Variants in ADGRL2 observed in about 807,000 individuals in gnomAD.
The protein encoded by ADGRL2 is adhesion G protein-coupled receptor L2, also known as calcium-independent alpha-latrotoxin receptor 2.
In ADGRL2, 44 loss-of-function variants were observed where a neutral mutation model predicts 157.4. The ratio of observed to expected loss-of-function variants is 0.28; its 90% confidence interval spans 0.22 to 0.36. The LOEUF is 0.36. Ranked by LOEUF, ADGRL2 falls within the 10% of genes least tolerant of loss-of-function variation. The probability of loss-of-function intolerance (pLI) is 1.00; values close to 1 mark genes in which losing one functional copy is unlikely to be tolerated. For synonymous variants in ADGRL2, 585 were observed against 624.7 expected, an observed-to-expected ratio of 0.94 and a Z score of 0.95; for missense variants, 1,510 against 1,768.9, an observed-to-expected ratio of 0.85 and a Z score of 2.63.
chr1:81,540,587 G>T (rs776225202), intron 2 of ADGRL2, among the ~76,000 whole-genome samples: 4 of 152,336 alleles, frequency 2.6e-5, no homozygotes, highest in Non-Finnish European at 5.9e-5. Context: ...GGAGCTGCTT[G>T]TGCACATTGT....
chr1:81,484,492 G>C (rs973617918), intron 2 of ADGRL2, among the ~76,000 whole-genome samples: 1 of 152,148 alleles, frequency 6.6e-6, no homozygotes, highest in Non-Finnish European at 1.5e-5. Context: ...TTCGTACTGT[G>C]TAAACAACAC....
At chr1:81,365,318 G>A (rs148229474) in intron 1 of ADGRL2, among the ~76,000 whole-genome samples, 1 of 152,282 alleles carries the variant, frequency 6.6e-6, no homozygotes, top group African/African-American at 2.4e-5. Flanking sequence ...GAATAGAAAG[G>A]AGACATAAGG....
chr1:81,925,591 A>G (rs1454460488), intron 3 of ADGRL2, among the ~76,000 whole-genome samples: 2 of 151,484 alleles, frequency 1.3e-5, no homozygotes, highest in Non-Finnish European at 2.9e-5. Context: ...CTTACAGAAC[A>G]TAGAGTCATT....
chr1:81,993,077 ATATATATATAT>A lies in ADGRL2; in HGVS notation c.*1934_*1944del, dbSNP rs1266379544. Reference sequence around the variant, plus strand: ...AATATACATATATATATATATATATATATATATATATTTTTTTTTTTTTTTTTTTTTTTTTT... The same window carrying A: ...AATATACATATATATATATATATATATTTTTTTTTTTTTTTTTTTTTTTTT... On this transcript the variant is annotated 3_prime_UTR_variant, in exon 24 of 24. Transcript: ENST00000686636. 1.1e-4 allele frequency among the ~76,000 whole-genome samples: 3 copies of A among 26,248 alleles called. No homozygotes were observed. Among genetic ancestry groups the A allele is most frequent in the East Asian group, 1.4e-3 (1 of 708 alleles). 17.2% of individuals were successfully genotyped at this position (26,248 alleles called of 152,430 possible). A position where few individuals can be genotyped will look rare whatever the true frequency, so the allele number is the denominator to read the frequency against.
chr1:81,351,895 A>G lies in ADGRL2; in HGVS notation c.-302+45386A>G, dbSNP rs772785201. 9.2e-5 allele frequency among the ~76,000 whole-genome samples: 14 copies of G among 152,248 alleles called. 1 individual carries two copies. Among genetic ancestry groups the G allele is most frequent in the Non-Finnish European group, 1.3e-4 (9 of 68,040 alleles). ...AGAGCGGCTCCCTTGTTCTAAAATTATACAAAAGTGCCATTTCACTTTTCA... is the reference window on the plus strand; with the variant it reads ...AGAGCGGCTCCCTTGTTCTAAAATTGTACAAAAGTGCCATTTCACTTTTCA... On this transcript the variant is annotated intron_variant, in intron 1 of 24. Transcript: ENST00000370721.
chr1:81,634,295 T>C (rs925196995), intron 3 of ADGRL2, among the ~76,000 whole-genome samples: 1 of 152,208 alleles, frequency 6.6e-6, no homozygotes, highest in Non-Finnish European at 1.5e-5. Flanking sequence ...GGCCTCTTTA[T>C]GGACTGTGTT....
intron 2 of ADGRL2, among the ~76,000 whole-genome samples, chr1:81,555,972 G>A (rs549513617): frequency 2.3e-4 from 35 of 151,312 alleles, no homozygotes; most frequent in African/African-American, 7.0e-4. Context: ...AAAATTTAGC[G>A]TATCACTGCT....
rs17106982 is a variant in ADGRL2, at chr1:81,708,487, A to G, written c.-143+8679A>G. Among the ~76,000 whole-genome samples, 1,118 of 152,234 alleles carry G rather than the reference A, an allele frequency of 7.3e-3. 21 individuals are homozygous for G. The highest frequency in any genetic ancestry group is 0.026 in the African/African-American group (1,075 of 41,552). On this transcript the variant is annotated intron_variant, in intron 1 of 20. Coordinates refer to the ADGRL2 transcript ENST00000359929. Reference sequence around the variant, plus strand: ...AAGTGGGAATGCTCTTAATTTTCCTACACGCATCTGCAGAAGTACTTTTGA... The same window carrying G: ...AAGTGGGAATGCTCTTAATTTTCCTGCACGCATCTGCAGAAGTACTTTTGA...
intron 2 of ADGRL2, among the ~76,000 whole-genome samples, chr1:81,562,972 C>T (rs1206805818): frequency 1.3e-5 from 2 of 152,008 alleles, no homozygotes; most frequent in African/African-American, 4.8e-5. Flanking sequence ...TCTTTATTAC[C>T]AAAGCTTAAC....
chr1:81,970,231 C>G (rs1658319501), intron 15 of ADGRL2, 83 bp from the exon 16 acceptor site: 2 of 875,454 alleles, frequency 2.3e-6, no homozygotes. Flanking sequence ...AGTGATTTCT[C>G]TTAGTGAGTA....
At chr1:81,523,289 GA>G (rs1360872767) in intron 2 of ADGRL2, among the ~76,000 whole-genome samples, 1 of 151,826 alleles carries the variant, frequency 6.6e-6, no homozygotes, top group African/African-American at 2.4e-5. Context: ...TTTTTTATAT[GA>G]AAAAATAAAC....
intron 2 of ADGRL2, among the ~76,000 whole-genome samples, chr1:81,550,925 G>A (rs1002982863): frequency 1.3e-5 from 2 of 152,112 alleles, no homozygotes; most frequent in Admixed American, 1.3e-4. Flanking sequence ...GGAAGAACAA[G>A]TTTGGGTGTG....
At position 81,992,672 on chromosome 1, in the gene ADGRL2, AG is replaced by A. The variant is rs1664765743; in HGVS notation, c.*1529del. Among the ~76,000 whole-genome samples the A allele has an allele frequency of 6.6e-6, 1 of 152,180 alleles. No homozygotes were observed. The highest frequency in any genetic ancestry group is 1.5e-5 in the Non-Finnish European group (1 of 68,030). ...GCATTTTTGTTTGTTGCATTGTACC[AG>A]GACTAAAAAAAGAAGGATTGGAAGT... On this transcript the variant is annotated 3_prime_UTR_variant, in exon 24 of 24. Transcript: ENST00000686636.
intron 2 of ADGRL2, among the ~76,000 whole-genome samples, chr1:81,882,976 G>A (rs1259806743): frequency 1.3e-5 from 2 of 152,254 alleles, no homozygotes; most frequent in African/African-American, 2.4e-5. Flanking sequence ...ATGTAGCTAT[G>A]TTTTATTGAC....
At chr1:81,874,991 G>A (rs2093799253) in intron 2 of ADGRL2, among the ~76,000 whole-genome samples, 1 of 152,142 alleles carries the variant, frequency 6.6e-6, no homozygotes, top group Non-Finnish European at 1.5e-5. Flanking sequence ...ACTGGTATGA[G>A]CCATCGAACC....
intron 1 of ADGRL2, among the ~76,000 whole-genome samples, chr1:81,376,986 G>A (rs1455448431): frequency 2.0e-5 from 3 of 152,018 alleles, no homozygotes; most frequent in African/African-American, 7.3e-5. Flanking sequence ...CAGGAGTTTT[G>A]AGCCCAGACT....
chr1:81,559,277 T>C (rs1389552398), intron 2 of ADGRL2, among the ~76,000 whole-genome samples: 1 of 152,156 alleles, frequency 6.6e-6, no homozygotes, highest in South Asian at 2.1e-4. Flanking sequence ...ATAAAATTAA[T>C]GGTATAGGTA....
At chr1:81,746,939 T>C (rs1372777597) in intron 1 of ADGRL2, among the ~76,000 whole-genome samples, 3 of 146,758 alleles carry the variant, frequency 2.0e-5, no homozygotes, top group Non-Finnish European at 4.5e-5. Flanking sequence ...TACACACGTA[T>C]ACACATGTAT....
chr1:81,596,314 T>C (rs572211897), intron 3 of ADGRL2: 125 of 548,680 alleles, frequency 2.3e-4, no homozygotes, highest in Admixed American at 3.7e-4. Context: ...TTTTTTCTTG[T>C]AGTGATTCTC....
Sources: gnomAD v4.1 joint callset for allele counts (sites outside exome capture counted in the v4.1 genomes callset) on GRCh38, gnomAD v4.1.1 for gene constraint, MANE v1.5 for transcripts, NCBI Gene and HGNC (gene_info 2026-07-23, HGNC 2026-07-21) for gene names.